Variants in SCRN1 observed in about 807,000 individuals in gnomAD.
SCRN1 encodes secernin 1.
A neutral mutation model predicts 43.3 loss-of-function variants in SCRN1; 19 were observed. The ratio of observed to expected loss-of-function variants is 0.44; its 90% CI spans 0.31 to 0.64. The LOEUF (loss-of-function observed/expected upper bound fraction) is 0.64. Among genes scored for constraint, SCRN1 ranks in the 30% least tolerant of loss-of-function variants. SCRN1 has a pLI of 0.09. For synonymous variants in SCRN1, 183 were observed against 188.9 expected, an observed-to-expected ratio of 0.97 and a Z score of 0.26; for missense variants, 447 against 524.1, an observed-to-expected ratio of 0.85 and a Z score of 1.44.
chr7:29,951,473 C>T (rs926601863), intron 3 of SCRN1, among the ~76,000 whole-genome samples: 27 of 152,304 alleles, frequency 1.8e-4, no homozygotes, highest in Admixed American at 6.5e-4. Flanking sequence ...CAGAGGTTTC[C>T]GGCTGGAAAA....
chr7:29,972,963 C>T (rs1305151765), intron 1 of SCRN1, among the ~76,000 whole-genome samples: 1 of 152,178 alleles, frequency 6.6e-6, no homozygotes, highest in Non-Finnish European at 1.5e-5. Context: ...TTGGACGGGA[C>T]AGTGACACAG....
intron 2 of SCRN1, among the ~76,000 whole-genome samples, chr7:29,955,776 C>T (rs1232713767): frequency 6.6e-6 from 1 of 152,222 alleles, no homozygotes; most frequent in Non-Finnish European, 1.5e-5. Flanking sequence ...AGATCTTTGC[C>T]TAAAGAAAGC....
In SCRN1 at chr7:29,923,897, T is replaced by C; in HGVS notation, c.*60A>G. On this transcript the variant is annotated 3_prime_UTR_variant, in exon 8 of 8. Transcript: ENST00000242059. Reference sequence around the variant, plus strand: ...TACTCAAACAGGAGAGTGGTTTGTTTTGCTGGTAATTTAGTAAGGTGGGAA... The same window carrying C: ...TACTCAAACAGGAGAGTGGTTTGTTCTGCTGGTAATTTAGTAAGGTGGGAA... 6.6e-7 allele frequency: 1 copy of C among 1,523,472 alleles called. No homozygotes were observed. Among genetic ancestry groups the C allele is most frequent in the Non-Finnish European group, 8.8e-7 (1 of 1,129,970 alleles). 94.4% of individuals were successfully genotyped at this position (1,523,472 alleles called of 1,614,324 possible). A position where few individuals can be genotyped will look rare whatever the true frequency, so the allele number is the denominator to read the frequency against.
chr7:29,975,076 G>A (rs889179670), intron 1 of SCRN1, among the ~76,000 whole-genome samples: 4 of 151,754 alleles, frequency 2.6e-5, no homozygotes, highest in African/African-American at 7.3e-5. Context: ...CTCATACAAC[G>A]TTATGAAATG....
chr7:29,929,294 C>A (rs565351555), intron 6 of SCRN1, among the ~76,000 whole-genome samples: 2 of 152,218 alleles, frequency 1.3e-5, no homozygotes, highest in Non-Finnish European at 2.9e-5. Flanking sequence ...GGCTGGTAGG[C>A]TTCACGGTGG....
chr7:29,967,387 T>C (rs1429612623), intron 2 of SCRN1, among the ~76,000 whole-genome samples: 1 of 149,612 alleles, frequency 6.7e-6, no homozygotes, highest in Non-Finnish European at 1.5e-5. Context: ...GAAATTCATG[T>C]ATACTTTTTT....
intron 2 of SCRN1, among the ~76,000 whole-genome samples, chr7:29,966,403 T>C (rs1156963916): frequency 6.6e-6 from 1 of 152,174 alleles, no homozygotes; most frequent in African/African-American, 2.4e-5. Context: ...CAGCCACCTT[T>C]GAGAACTTAA....
Position 29,931,335 on chromosome 7 carries a change from G to C in SCRN1, c.906-4703C>G, listed in dbSNP as rs559946005. Among the ~76,000 whole-genome samples the C allele has an allele frequency of 1.1e-4, 16 of 152,306 alleles. No individual in the cohort carries two copies. The South Asian group carries it at 3.3e-3, about 32-fold the overall frequency. ...ATTGAGCAAATATGTGTTGAGCCCT[G>C]GCTGAGTACCAGATGCTGTTCTAGG... is the stretch of plus-strand genomic sequence containing the variant. On this transcript the variant is annotated intron_variant, in intron 6 of 7. Transcript: ENST00000242059.
intron 7 of SCRN1, among the ~76,000 whole-genome samples, chr7:29,925,249 T>G (rs1439700086): frequency 6.6e-6 from 1 of 152,236 alleles, no homozygotes; most frequent in Non-Finnish European, 1.5e-5. Context: ...AAATGGTCAC[T>G]TCTATGGAAG....
At chr7:29,929,166 TC>T (rs1787074704) in intron 6 of SCRN1, among the ~76,000 whole-genome samples, 1 of 152,166 alleles carries the variant, frequency 6.6e-6, no homozygotes, top group Non-Finnish European at 1.5e-5. Context: ...CAGAAACCCT[TC>T]AGTGGTAGAC....
rs149969374 is a variant in SCRN1, at chr7:29,976,202, C to G, written c.-1-7134G>C. On this transcript the variant is annotated intron_variant, in intron 1 of 7. Transcript: ENST00000242059. ...CATTTTCTGAGATGATAGAAATAGT[C>G]TCTATCTGCACCATCCAATACAGTA... 3.6e-3 allele frequency among the ~76,000 whole-genome samples: 547 copies of G among 152,314 alleles called. 1 individual carries two copies. The highest frequency in any genetic ancestry group is 5.4e-3 in the Non-Finnish European group (370 of 68,042).
At chr7:29,931,814 C>T (rs981956643) in intron 6 of SCRN1, among the ~76,000 whole-genome samples, 1 of 152,142 alleles carries the variant, frequency 6.6e-6, no homozygotes, top group East Asian at 1.9e-4. Context: ...CAAATTTGAA[C>T]CAATCTCAAA....
chr7:29,971,633 C>CAAA (rs397889529), intron 1 of SCRN1, among the ~76,000 whole-genome samples: 3 of 68,298 alleles, frequency 4.4e-5, no homozygotes, highest in Non-Finnish European at 1.0e-4. Flanking sequence ...GACCCTGTCT[C>CAAA]AAAAAAAAAA....
intron 1 of SCRN1, among the ~76,000 whole-genome samples, chr7:29,981,372 A>G (rs34506165): frequency 0.041 from 6,313 of 152,304 alleles, 168 homozygotes; most frequent in Non-Finnish European, 0.064. Flanking sequence ...AAGATGTCTC[A>G]AGGTTTTTAT....
rs2128084490 is a variant in SCRN1, at chr7:29,922,163, G to C, written c.*1794C>G. The C allele has an allele frequency of 6.6e-6, 1 of 152,296 alleles. No homozygotes were observed. Among genetic ancestry groups the C allele is most frequent in the East Asian group, 1.9e-4 (1 of 5,176 alleles). The allele number at this position is 152,296 out of a possible 1,614,324, so 9.4% of individuals were successfully genotyped here. ...CTGCGTGAAGCTCTTAGCAGCTACA[G>C]GCCACCATTATTGGTTGCCATTAAC... is the stretch of plus-strand genomic sequence containing the variant. On this transcript the variant is annotated 3_prime_UTR_variant, in exon 8 of 8. Coordinates refer to ENST00000242059, the MANE Select transcript of SCRN1 (RefSeq NM_014766.5).
chr7:29,973,618 T>A (rs1788727752), intron 1 of SCRN1, among the ~76,000 whole-genome samples: 1 of 152,236 alleles, frequency 6.6e-6, no homozygotes, highest in African/African-American at 2.4e-5. Flanking sequence ...AGTACTTTAG[T>A]GTCTATTTCA....
At chr7:29,990,057 G>T (rs1789319310), upstream of SCRN1, 1 of 1,503,238 alleles carries the variant, frequency 6.7e-7, no homozygotes. Flanking sequence ...GCTCTCAAAA[G>T]GGAAAACCCG....
intron 2 of SCRN1, among the ~76,000 whole-genome samples, chr7:29,966,024 A>G (rs1310487249): frequency 1.3e-5 from 2 of 152,176 alleles, no homozygotes; most frequent in East Asian, 3.9e-4. Flanking sequence ...TTTGAACAGC[A>G]AACAGCAGGG....
intron 1 of SCRN1, among the ~76,000 whole-genome samples, chr7:29,988,323 TAG>T (rs1377447533): frequency 1.3e-5 from 2 of 152,210 alleles, no homozygotes; most frequent in Admixed American, 6.5e-5. Context: ...TACAAAACCG[TAG>T]AGTTTTAACT....
Sources: allele counts gnomAD v4.1 joint callset (sites outside exome capture counted in the v4.1 genomes callset), GRCh38; gene constraint gnomAD v4.1.1; transcripts MANE v1.5; gene names NCBI Gene and HGNC (gene_info 2026-07-23, HGNC 2026-07-21).